DLG2: variants seen among roughly 807,000 people sequenced by gnomAD.
DLG2 encodes disks large homolog 2.
A neutral mutation model predicts 132.5 loss-of-function variants in DLG2; 45 were observed. The ratio of observed to expected loss-of-function variants is 0.34; its 90% CI spans 0.27 to 0.44. DLG2 has a LOEUF of 0.44. Ranked by LOEUF, DLG2 falls within the 20% of genes least tolerant of loss-of-function variation. DLG2 has a pLI of 1.00. For synonymous variants in DLG2, 424 were observed against 419.6 expected (o/e 1.01, Z -0.13); for missense variants, 1,045 against 1,196.9 (o/e 0.87, Z 1.87).
In DLG2 at chr11:85,593,064, A is replaced by G. The variant is rs2153232773; in HGVS notation, c.40+5593T>C. Among the ~76,000 whole-genome samples, 3 of 152,278 alleles carry G rather than the reference A, an allele frequency of 2.0e-5. No individual in the cohort carries two copies. The South Asian group carries it at 6.2e-4, about 32-fold the overall frequency. ...GAAAATAAAAAGAAAATTAAAAATAAAAAGATATGCTACTATATTTTAAAA... is the reference window on the plus strand; with the variant it reads ...GAAAATAAAAAGAAAATTAAAAATAGAAAGATATGCTACTATATTTTAAAA... On this transcript the variant is annotated intron_variant, in intron 3 of 27. Transcript: ENST00000376104.
chr11:85,221,548 T>C (rs530826421), intron 4 of DLG2, among the ~76,000 whole-genome samples: 1 of 152,344 alleles, frequency 6.6e-6, no homozygotes, highest in South Asian at 2.1e-4. Flanking sequence ...CAATTAATGT[T>C]TTGTTTAAAT....
At chr11:84,980,883 C>G (rs2055638102) in intron 6 of DLG2, among the ~76,000 whole-genome samples, 2 of 152,162 alleles carry the variant, frequency 1.3e-5, no homozygotes, top group African/African-American at 4.8e-5. Flanking sequence ...TGGTACATAG[C>G]TATCTCTGAC....
intron 7 of DLG2, among the ~76,000 whole-genome samples, chr11:84,402,994 T>TTC (rs58666610): frequency 0.026 from 3,855 of 149,526 alleles, 47 homozygotes; most frequent in African/African-American, 0.039. Flanking sequence ...CCCACTCCAA[T>TTC]TCTCTCTCTC....
chr11:83,854,444 T>C (rs1162025983), intron 16 of DLG2, among the ~76,000 whole-genome samples: 3 of 152,136 alleles, frequency 2.0e-5, no homozygotes, highest in African/African-American at 7.2e-5. Flanking sequence ...TAACACTACC[T>C]AGCTTCAAAA....
intron 7 of DLG2, among the ~76,000 whole-genome samples, chr11:84,293,411 C>T (rs763666586): frequency 4.6e-5 from 7 of 152,076 alleles, no homozygotes; most frequent in Non-Finnish European, 1.0e-4. Flanking sequence ...CGGTGGCTCA[C>T]GCCTGTAATC....
At chr11:84,181,942 C>T (rs35132821) in intron 8 of DLG2, among the ~76,000 whole-genome samples, 9,707 of 152,166 alleles carry the variant, frequency 0.064, 384 homozygotes, top group African/African-American at 0.097. Flanking sequence ...GAGACTTGAA[C>T]GCCCCTCTAT....
chr11:84,195,225 G>A (rs191051336), intron 8 of DLG2, among the ~76,000 whole-genome samples: 8 of 152,272 alleles, frequency 5.3e-5, no homozygotes, highest in Admixed American at 4.6e-4. Flanking sequence ...GTGCAGTGGT[G>A]CGGTCTCAGC....
chr11:83,804,021 T>C (rs2045237698), intron 17 of DLG2, among the ~76,000 whole-genome samples: 1 of 152,160 alleles, frequency 6.6e-6, no homozygotes, highest in African/African-American at 2.4e-5. Context: ...TGCCCATAAT[T>C]ACATCTTAGT....
intron 14 of DLG2, among the ~76,000 whole-genome samples, chr11:83,962,156 C>T (rs978255217): frequency 1.4e-4 from 22 of 151,858 alleles, no homozygotes; most frequent in Admixed American, 4.6e-4. Flanking sequence ...AAACACATAT[C>T]GAAATTAAGC....
intron 6 of DLG2, among the ~76,000 whole-genome samples, chr11:84,842,347 C>A (rs745975657): frequency 6.6e-6 from 1 of 151,930 alleles, no homozygotes; most frequent in Non-Finnish European, 1.5e-5. Flanking sequence ...TATCCAGGGC[C>A]ACCAATTAAT....
At chr11:85,478,052 G>C (rs1019313850) in intron 3 of DLG2, among the ~76,000 whole-genome samples, 9 of 151,918 alleles carry the variant, frequency 5.9e-5, no homozygotes, top group Admixed American at 2.0e-4. Flanking sequence ...CTGTCACCTA[G>C]GCTGGAGTGC....
intron 18 of DLG2, among the ~76,000 whole-genome samples, chr11:83,653,838 C>T (rs530215768): frequency 1.0e-4 from 15 of 150,380 alleles, no homozygotes; most frequent in Non-Finnish European, 1.8e-4. Context: ...TTCTCCTGTG[C>T]CAGCCTCCCG....
intron 3 of DLG2, among the ~76,000 whole-genome samples, chr11:85,288,410 T>C (rs2078690595): frequency 6.6e-6 from 1 of 151,992 alleles, no homozygotes; most frequent in Non-Finnish European, 1.5e-5. Flanking sequence ...AGGTTACTAA[T>C]TGGGTGGACA....
At chr11:84,343,497 G>T (rs2098525193) in intron 7 of DLG2, among the ~76,000 whole-genome samples, 1 of 152,114 alleles carries the variant, frequency 6.6e-6, no homozygotes, top group Non-Finnish European at 1.5e-5. Context: ...CAGAAACTGG[G>T]GATGTAGCTG....
Position 83,946,937 on chromosome 11 carries a change from C to T in DLG2, c.1340+15948G>A, listed in dbSNP as rs563271214. 2.4e-3 allele frequency among the ~76,000 whole-genome samples: 367 copies of T among 152,232 alleles called. 2 individuals carry two copies. The highest frequency in any genetic ancestry group is 8.5e-3 in the African/African-American group (352 of 41,550). Reference sequence around the variant, plus strand: ...CCCTTAGTTCTCACAAATTTAAATTCGGTATAACCTTATTAGAGCTACTCT... The same window carrying T: ...CCCTTAGTTCTCACAAATTTAAATTTGGTATAACCTTATTAGAGCTACTCT... On this transcript the variant is annotated intron_variant, in intron 14 of 27. Transcript: ENST00000376104.
chr11:84,294,181 T>G (rs926107005), intron 7 of DLG2, among the ~76,000 whole-genome samples: 1 of 152,366 alleles, frequency 6.6e-6, no homozygotes, highest in Admixed American at 6.5e-5. Context: ...AGGTCCTTCT[T>G]GCTAAACAAC....
intron 6 of DLG2, among the ~76,000 whole-genome samples, chr11:84,982,265 A>G (rs947917775): frequency 3.9e-5 from 6 of 152,240 alleles, no homozygotes; most frequent in African/African-American, 1.4e-4. Context: ...CCTGTGTAAC[A>G]TCTCTACTTA....
chr11:84,004,483 C>A (rs914997034), intron 11 of DLG2, among the ~76,000 whole-genome samples: 1 of 151,976 alleles, frequency 6.6e-6, no homozygotes, highest in Non-Finnish European at 1.5e-5. Flanking sequence ...TAACATCATA[C>A]TGAATGGAGA....
intron 19 of DLG2, among the ~76,000 whole-genome samples, chr11:83,607,166 A>G (rs900018593): frequency 6.6e-6 from 1 of 152,198 alleles, no homozygotes; most frequent in Non-Finnish European, 1.5e-5. Context: ...CTTTATTTGA[A>G]CACGGTTTGG....
Sources: gnomAD v4.1 joint callset for allele counts (sites outside exome capture counted in the v4.1 genomes callset) on GRCh38, gnomAD v4.1.1 for gene constraint, MANE v1.5 for transcripts, NCBI Gene and HGNC (gene_info 2026-07-23, HGNC 2026-07-21) for gene names.